FBXL17: variants seen among roughly 807,000 people sequenced by gnomAD.
The protein encoded by FBXL17 is F-box/LRR-repeat protein 17.
FBXL17 carries 22 observed loss-of-function variants against 66.2 expected under a neutral mutation model. That is an observed-to-expected ratio of 0.33 (90% CI 0.24 to 0.47). The LOEUF is 0.47. Ranked by LOEUF, FBXL17 falls within the 20% of genes least tolerant of loss-of-function variation. FBXL17 has a pLI of 1.00. For missense variants in FBXL17, 878 were observed against 948.2 expected, an observed-to-expected ratio of 0.93 and a Z score of 0.97; for synonymous variants, 474 against 400.5, an observed-to-expected ratio of 1.18 and a Z score of -2.19.
chr5:108,268,275 G>T (rs1424021925), intron 4 of FBXL17, among the ~76,000 whole-genome samples: 3 of 152,064 alleles, frequency 2.0e-5, no homozygotes, highest in Non-Finnish European at 2.9e-5. Context: ...AGGTAGGGAT[G>T]TGGGTGTGTG....
intron 8 of FBXL17, chr5:107,880,201 G>C (rs112472985): frequency 4.3e-6 from 1 of 233,854 alleles, no homozygotes; most frequent in Non-Finnish European, 7.0e-6. Context: ...CCGAGTAGCT[G>C]GGACTACAGG....
At chr5:108,052,112 C>CAAAAAAAAAAAAAAAAAAA (rs144705189) in intron 6 of FBXL17, among the ~76,000 whole-genome samples, 10 of 102,176 alleles carry the variant, frequency 9.8e-5, no homozygotes, top group Non-Finnish European at 1.3e-4. Flanking sequence ...GACTTCGTCT[C>CAAAAAAAAAAAAAAAAAAA]AAAAAAAAAA....
intron 6 of FBXL17, among the ~76,000 whole-genome samples, chr5:108,134,359 C>G (rs950431688): frequency 6.6e-6 from 1 of 152,138 alleles, no homozygotes; most frequent in African/African-American, 2.4e-5. Context: ...AAATAATTCC[C>G]TATTCACTTT....
Position 107,998,829 on chromosome 5 carries a change from C to A in FBXL17, c.1822+22096G>T, listed in dbSNP as rs980885112. On this transcript the variant is annotated intron_variant, in intron 7 of 8. Coordinates refer to ENST00000542267, the MANE Select transcript of FBXL17 (RefSeq NM_001163315.3). ...GATAAATCTGACTTGACACTTGCCT[C>A]TTCAAACATCTCCAACAACTCCTAA... 6.9e-4 allele frequency among the ~76,000 whole-genome samples: 105 copies of A among 152,280 alleles called. 1 individual carries two copies. The highest frequency in any genetic ancestry group is 6.8e-3 in the Admixed American group (104 of 15,288).
intron 2 of FBXL17, among the ~76,000 whole-genome samples, chr5:108,365,563 C>T (rs1018485624): frequency 6.6e-6 from 1 of 152,012 alleles, no homozygotes; most frequent in Non-Finnish European, 1.5e-5. Context: ...TATAATAAAC[C>T]CATAAATATA....
intron 4 of FBXL17, among the ~76,000 whole-genome samples, chr5:108,236,473 A>T (rs1032271580): frequency 1.0e-4 from 15 of 149,814 alleles, no homozygotes; most frequent in Admixed American, 2.0e-4. Context: ...AGATCACGCT[A>T]TTGCCCTCCA....
At position 108,222,666 on chromosome 5, in the gene FBXL17, TG is replaced by T. The variant is rs1754917354; in HGVS notation, c.1614+1454del. 2.1e-5 allele frequency among the ~76,000 whole-genome samples: 3 copies of T among 141,004 alleles called. No individual in the cohort carries two copies. The South Asian group carries it at 7.0e-4, about 33-fold the overall frequency. The allele number at this position is 141,004 out of a possible 152,430, so 92.5% of individuals were successfully genotyped here. Reference sequence around the variant, plus strand: ...TAATTTTCTAGCAATTTAGATACTATGGCATCTTTTTTTTTTTTTTTTTTTT... The same window carrying T: ...TAATTTTCTAGCAATTTAGATACTATGCATCTTTTTTTTTTTTTTTTTTTT... On this transcript the variant is annotated intron_variant, in intron 5 of 8. Transcript: ENST00000542267.
intron 4 of FBXL17, among the ~76,000 whole-genome samples, chr5:108,345,953 T>G (rs1168275445): frequency 1.3e-5 from 2 of 152,166 alleles, no homozygotes; most frequent in Non-Finnish European, 2.9e-5. Flanking sequence ...ATAATTTGAC[T>G]GATTATCAGT....
intron 4 of FBXL17, among the ~76,000 whole-genome samples, chr5:108,306,500 C>T (rs895552957): frequency 4.6e-5 from 7 of 152,050 alleles, no homozygotes; most frequent in Non-Finnish European, 8.8e-5. Flanking sequence ...GCTTCTTCAT[C>T]TGGAAAATGG....
chr5:108,001,132 T>G (rs1289244203), intron 7 of FBXL17, among the ~76,000 whole-genome samples: 1 of 152,064 alleles, frequency 6.6e-6, no homozygotes, highest in African/African-American at 2.4e-5. Context: ...AGAAGAAAAA[T>G]TATCTTCACA....
intron 6 of FBXL17, among the ~76,000 whole-genome samples, chr5:108,178,364 A>G (rs962738113): frequency 2.0e-5 from 3 of 152,070 alleles, no homozygotes; most frequent in Non-Finnish European, 4.4e-5. Flanking sequence ...TTTTAAAGAT[A>G]GTTTGGAAGC....
At chr5:108,216,888 C>T (rs1034702691) in intron 5 of FBXL17, among the ~76,000 whole-genome samples, 3 of 152,170 alleles carry the variant, frequency 2.0e-5, no homozygotes, top group African/African-American at 7.2e-5. Flanking sequence ...AAACCTCCAG[C>T]TAACTCAGAT....
intron 6 of FBXL17, among the ~76,000 whole-genome samples, chr5:108,085,403 CT>C (rs1200166373): frequency 6.6e-6 from 1 of 152,222 alleles, no homozygotes; most frequent in Non-Finnish European, 1.5e-5. Context: ...GCAACAGCCC[CT>C]GACTTCTACT....
At chr5:108,064,041 C>T (rs1206338796) in intron 6 of FBXL17, among the ~76,000 whole-genome samples, 2 of 151,860 alleles carry the variant, frequency 1.3e-5, no homozygotes, top group East Asian at 1.9e-4. Context: ...GGTATGTTTG[C>T]ATGTGTTATA....
chr5:108,083,737 T>C (rs183803918), intron 6 of FBXL17, among the ~76,000 whole-genome samples: 191 of 152,232 alleles, frequency 1.3e-3, no homozygotes, highest in African/African-American at 4.5e-3. Flanking sequence ...CATTAAACTA[T>C]AGATGGCTTA....
intron 5 of FBXL17, among the ~76,000 whole-genome samples, chr5:108,192,747 G>A (rs1404411007): frequency 2.6e-5 from 4 of 152,168 alleles, no homozygotes; most frequent in South Asian, 2.1e-4. Context: ...AGCCGAGATC[G>A]CACCACTGCA....
At chr5:108,176,935 T>C (rs1752814333) in intron 6 of FBXL17, among the ~76,000 whole-genome samples, 1 of 152,150 alleles carries the variant, frequency 6.6e-6, no homozygotes, top group Admixed American at 6.5e-5. Flanking sequence ...AAAACCCACA[T>C]ACTTAAAAAA....
intron 7 of FBXL17, among the ~76,000 whole-genome samples, chr5:107,984,187 T>C (rs1272693219): frequency 6.6e-6 from 1 of 152,148 alleles, no homozygotes; most frequent in African/African-American, 2.4e-5. Flanking sequence ...GGACAAGTTA[T>C]ATAGAGGTAA....
chr5:108,181,853 T>G (rs1188807141), intron 6 of FBXL17, among the ~76,000 whole-genome samples: 1 of 152,138 alleles, frequency 6.6e-6, no homozygotes, highest in East Asian at 1.9e-4. Context: ...CGCGGAAAAT[T>G]GACTGATTAG....
Sources: gnomAD v4.1 joint callset for allele counts (sites outside exome capture counted in the v4.1 genomes callset) on GRCh38, gnomAD v4.1.1 for gene constraint, MANE v1.5 for transcripts, NCBI Gene and HGNC (gene_info 2026-07-23, HGNC 2026-07-21) for gene names.